Variants in ADGRL3 observed in about 807,000 individuals in gnomAD.
The protein encoded by ADGRL3 is calcium-independent alpha-latrotoxin receptor 3.
A neutral mutation model predicts 153.5 loss-of-function variants in ADGRL3; 62 were observed. The ratio of observed to expected loss-of-function variants is 0.40; its 90% CI spans 0.33 to 0.50. The LOEUF (loss-of-function observed/expected upper bound fraction) is 0.50, where lower values mean the gene tolerates loss of function less well. Among genes scored for constraint, ADGRL3 ranks in the 20% least tolerant of loss-of-function variants. The pLI is 0.47. For missense variants in ADGRL3, 1,641 were observed against 1,859.4 expected (o/e 0.88, Z 2.16); for synonymous variants, 710 against 672.5 (o/e 1.06, Z -0.86).
intron 1 of ADGRL3, among the ~76,000 whole-genome samples, chr4:61,217,505 A>T (rs963108877): frequency 3.3e-5 from 5 of 152,190 alleles, no homozygotes; most frequent in African/African-American, 1.2e-4. Flanking sequence ...AGAGAAAACA[A>T]ATCTGAAGTT....
At chr4:61,343,195 C>A (rs2095840666) in intron 1 of ADGRL3, among the ~76,000 whole-genome samples, 1 of 152,108 alleles carries the variant, frequency 6.6e-6, no homozygotes, top group Non-Finnish European at 1.5e-5. Context: ...GGGGACACAG[C>A]CAAACCATAT....
At chr4:61,923,306 A>G (rs2098778863) in intron 13 of ADGRL3, among the ~76,000 whole-genome samples, 1 of 151,948 alleles carries the variant, frequency 6.6e-6, no homozygotes, top group African/African-American at 2.4e-5. Context: ...GATTTAAAAA[A>G]GAAAATTAAC....
chr4:61,534,606 A>G (rs1488375939), intron 4 of ADGRL3, among the ~76,000 whole-genome samples: 3 of 152,044 alleles, frequency 2.0e-5, no homozygotes, highest in Non-Finnish European at 4.4e-5. Context: ...GTAATCTACA[A>G]TTTCATTCAT....
chr4:61,680,405 C>CGTGTGT (rs3075156), intron 6 of ADGRL3, among the ~76,000 whole-genome samples: 244 of 144,124 alleles, frequency 1.7e-3, no homozygotes, highest in African/African-American at 5.6e-3. Context: ...TATACATACT[C>CGTGTGT]GTGTGTGTGT....
chr4:61,558,143 G>GTATA lies in ADGRL3; in HGVS notation c.260-29073_260-29070dup, dbSNP rs374844759. Among the ~76,000 whole-genome samples, 9 of 119,396 alleles carry GTATA rather than the reference G, an allele frequency of 7.5e-5. No individual in the cohort carries two copies. The East Asian group carries it at 9.2e-4, about 12-fold the overall frequency. 78.3% of individuals were successfully genotyped at this position (119,396 alleles called of 152,430 possible). On this transcript the variant is annotated intron_variant, in intron 4 of 26. Transcript: ENST00000683033. ...ATATATGTAGGAATCATATATATAT[G>GTATA]TATATATATATATACACATATGTAG...
intron 5 of ADGRL3, among the ~76,000 whole-genome samples, chr4:61,647,852 T>G (rs988309866): frequency 7.2e-5 from 11 of 152,078 alleles, no homozygotes; most frequent in African/African-American, 2.7e-4. Flanking sequence ...CACTGTAAGT[T>G]TTCTTTCTTT....
chr4:61,669,640 T>A (rs1488898519), intron 5 of ADGRL3, among the ~76,000 whole-genome samples: 2 of 152,228 alleles, frequency 1.3e-5, no homozygotes. Context: ...GTTTATCATC[T>A]GTTAGATGCT....
At chr4:61,746,357 C>G (rs1372716230) in intron 8 of ADGRL3, among the ~76,000 whole-genome samples, 1 of 152,072 alleles carries the variant, frequency 6.6e-6, no homozygotes, top group Non-Finnish European at 1.5e-5. Context: ...CCAAGCGGAC[C>G]TAATACCCAT....
intron 1 of ADGRL3, among the ~76,000 whole-genome samples, chr4:61,223,555 C>T (rs1191316586): frequency 6.6e-6 from 1 of 152,222 alleles, no homozygotes; most frequent in Admixed American, 6.5e-5. Context: ...CAAATGCCTC[C>T]ACTTGTGTGT....
At chr4:61,743,049 G>A (rs371821175) in intron 8 of ADGRL3, among the ~76,000 whole-genome samples, 30 of 151,136 alleles carry the variant, frequency 2.0e-4, no homozygotes, top group African/African-American at 5.6e-4. Flanking sequence ...GGCTGGGCTC[G>A]GTGGCTCATG....
intron 5 of ADGRL3, among the ~76,000 whole-genome samples, chr4:61,595,345 T>A (rs529118025): frequency 1.3e-5 from 2 of 152,244 alleles, no homozygotes; most frequent in South Asian, 4.1e-4. Flanking sequence ...ATGGTGGTTT[T>A]TCAGGGCCCA....
At chr4:61,757,089 G>T (rs553518109) in intron 8 of ADGRL3, among the ~76,000 whole-genome samples, 3 of 152,178 alleles carry the variant, frequency 2.0e-5, no homozygotes, top group African/African-American at 7.2e-5. Flanking sequence ...CTCTTTTTTG[G>T]TTGTGTCTCT....
chr4:61,989,039 T>C (rs944712647), intron 19 of ADGRL3, among the ~76,000 whole-genome samples: 1 of 152,076 alleles, frequency 6.6e-6, no homozygotes, highest in Non-Finnish European at 1.5e-5. Context: ...GGGTACTTTC[T>C]CCTCTGTTAA....
intron 19 of ADGRL3, among the ~76,000 whole-genome samples, chr4:61,995,523 A>G (rs900697262): frequency 6.6e-6 from 1 of 152,148 alleles, no homozygotes; most frequent in African/African-American, 2.4e-5. Context: ...ATAATTCAAG[A>G]TATTATTTTT....
chr4:61,713,333 T>G (rs1156734762), intron 6 of ADGRL3, among the ~76,000 whole-genome samples: 2 of 152,078 alleles, frequency 1.3e-5, no homozygotes, highest in East Asian at 3.9e-4. Context: ...TCTTATTAAC[T>G]CATCATTAAG....
intron 2 of ADGRL3, among the ~76,000 whole-genome samples, chr4:61,418,544 A>G (rs1351544255): frequency 6.6e-6 from 1 of 150,550 alleles, no homozygotes; most frequent in East Asian, 2.1e-4. Flanking sequence ...TTTTCTTCCT[A>G]TTGATACTTT....
At chr4:61,379,301 C>G (rs1346047254) in intron 1 of ADGRL3, among the ~76,000 whole-genome samples, 2 of 151,856 alleles carry the variant, frequency 1.3e-5, no homozygotes, top group Non-Finnish European at 2.9e-5. Context: ...ATTTTCAGAT[C>G]ATTGATTCAC....
intron 25 of ADGRL3, among the ~76,000 whole-genome samples, chr4:62,047,459 A>G (rs1185722379): frequency 6.6e-6 from 1 of 152,024 alleles, no homozygotes. Flanking sequence ...TTTCAATGGT[A>G]TTTATTTTTT....
chr4:61,982,339 G>T (rs1033286751), intron 18 of ADGRL3, among the ~76,000 whole-genome samples: 3 of 152,084 alleles, frequency 2.0e-5, no homozygotes, highest in African/African-American at 7.2e-5. Flanking sequence ...ATCCTTTTCT[G>T]CACTCCACAT....
Sources: allele counts gnomAD v4.1 joint callset (sites outside exome capture counted in the v4.1 genomes callset), GRCh38; gene constraint gnomAD v4.1.1; transcripts MANE v1.5; gene names NCBI Gene and HGNC (gene_info 2026-07-23, HGNC 2026-07-21).